The following RARB variants were observed in gnomAD, a reference collection of about 807,000 sequenced individuals.
RARB encodes the protein retinoic acid receptor beta.
RARB carries 17 observed loss-of-function variants against 51.9 expected under a neutral mutation model. The ratio of observed to expected loss-of-function variants is 0.33; its 90% CI spans 0.22 to 0.49. The LOEUF is 0.49. Among genes scored for constraint, RARB ranks in the 20% least tolerant of loss-of-function variants. The pLI, the probability that RARB is intolerant of heterozygous loss-of-function variation, is 0.99. For missense variants in RARB, 369 were observed against 550.8 expected (o/e 0.67, Z 3.30); for synonymous variants, 215 against 195.4 (o/e 1.10, Z -0.84).
At chr3:25,369,506 G>T (rs889344502) in intron 5 of RARB, among the ~76,000 whole-genome samples, 1 of 152,166 alleles carries the variant, frequency 6.6e-6, no homozygotes, top group Non-Finnish European at 1.5e-5. Flanking sequence ...CAGTCCCATG[G>T]CAAAGAAATA....
intron 2 of RARB, among the ~76,000 whole-genome samples, chr3:24,871,950 C>T (rs1196642132): frequency 6.6e-6 from 1 of 152,126 alleles, no homozygotes; most frequent in East Asian, 1.9e-4. Flanking sequence ...TATCATCACC[C>T]TGGTCTGATC....
intron 2 of RARB, among the ~76,000 whole-genome samples, chr3:24,894,981 G>C (rs571161359): frequency 2.0e-5 from 3 of 152,292 alleles, no homozygotes; most frequent in South Asian, 2.1e-4. Flanking sequence ...AAAAACCTTT[G>C]CTTTAGCCAG....
chr3:25,291,824 G>GAA, intron 5 of RARB, among the ~76,000 whole-genome samples: 1 of 151,934 alleles, frequency 6.6e-6, no homozygotes, highest in Middle Eastern at 3.2e-3. Context: ...ATCTGGCAAA[G>GAA]AAAAAATGGC....
chr3:24,979,181 C>G (rs1476838070), intron 2 of RARB, among the ~76,000 whole-genome samples: 1 of 152,162 alleles, frequency 6.6e-6, no homozygotes, highest in Non-Finnish European at 1.5e-5. Flanking sequence ...ATTATGTAGT[C>G]AATTTTAGAA....
rs150905179 is a variant in RARB, at chr3:25,372,318, G to A, written c.179-88875G>A. ...CCGGATTCTACCCACTAGATGCCAC[G>A]CCCATGTCAACCAAAAATATTTCCA... On this transcript the variant is annotated intron_variant, in intron 5 of 11. Coordinates refer to the RARB transcript ENST00000383772. Among the ~76,000 whole-genome samples, 526 of 152,252 alleles carry A rather than the reference G, an allele frequency of 3.5e-3. 2 individuals are homozygous for A. Among genetic ancestry groups the A allele is most frequent in the African/African-American group, 0.012 (493 of 41,552 alleles).
At chr3:25,113,666 C>T (rs768342565) in intron 3 of RARB, among the ~76,000 whole-genome samples, 6 of 152,124 alleles carry the variant, frequency 3.9e-5, no homozygotes, top group South Asian at 2.1e-4. Flanking sequence ...TAGCTAGCCA[C>T]GGCCCCAGGG....
At chr3:25,217,902 G>C (rs754975839) in intron 5 of RARB, among the ~76,000 whole-genome samples, 1 of 152,156 alleles carries the variant, frequency 6.6e-6, no homozygotes, top group East Asian at 1.9e-4. Context: ...AAATGGAAGC[G>C]CTTTAAGAAT....
intron 3 of RARB, among the ~76,000 whole-genome samples, chr3:25,098,518 C>T (rs1445925328): frequency 1.3e-5 from 2 of 152,190 alleles, no homozygotes; most frequent in African/African-American, 4.8e-5. Context: ...GGCTTAGCTT[C>T]TTCATTGTAA....
chr3:24,925,277 T>G (rs10510553), intron 2 of RARB, among the ~76,000 whole-genome samples: 1 of 151,854 alleles, frequency 6.6e-6, no homozygotes, highest in East Asian at 1.9e-4. Context: ...CCAGAAAATA[T>G]GACAAACTCC....
chr3:25,368,646 C>A (rs1575348268), intron 5 of RARB, among the ~76,000 whole-genome samples: 1 of 152,194 alleles, frequency 6.6e-6, no homozygotes, highest in African/African-American at 2.4e-5. Flanking sequence ...GCATCCTGAA[C>A]TGCTGACACA....
At chr3:25,388,523 A>C (rs1706858469) in intron 5 of RARB, among the ~76,000 whole-genome samples, 1 of 152,230 alleles carries the variant, frequency 6.6e-6, no homozygotes, top group Non-Finnish European at 1.5e-5. Flanking sequence ...TAAGTGTACC[A>C]TCAGAATTTA....
At chr3:24,885,236 T>G (rs148819707) in intron 2 of RARB, among the ~76,000 whole-genome samples, 47 of 152,100 alleles carry the variant, frequency 3.1e-4, no homozygotes, top group African/African-American at 1.1e-3. Flanking sequence ...AGAGAGAGAT[T>G]GAGTTGCAGT....
chr3:25,586,852 C>G (rs1394125238), intron 5 of RARB, among the ~76,000 whole-genome samples: 4 of 152,218 alleles, frequency 2.6e-5, no homozygotes, highest in African/African-American at 9.6e-5. Flanking sequence ...AGCCTGAGCT[C>G]AGGCTTCAGC....
intron 2 of RARB, among the ~76,000 whole-genome samples, chr3:25,037,491 T>C (rs1480211857): frequency 6.6e-6 from 1 of 152,118 alleles, no homozygotes; most frequent in Non-Finnish European, 1.5e-5. Context: ...CTGCTATCCC[T>C]ACACAGAAAC....
intron 2 of RARB, among the ~76,000 whole-genome samples, chr3:25,467,997 G>A (rs1028796637): frequency 6.6e-6 from 1 of 152,140 alleles, no homozygotes; most frequent in Non-Finnish European, 1.5e-5. Flanking sequence ...AGGGGTCAAG[G>A]GGGCCTGATG....
At chr3:24,921,247 T>C (rs1695210706) in intron 2 of RARB, among the ~76,000 whole-genome samples, 1 of 152,314 alleles carries the variant, frequency 6.6e-6, no homozygotes, top group Non-Finnish European at 1.5e-5. Context: ...ATTGAGATCC[T>C]ACCGTGTGTT....
intron 3 of RARB, among the ~76,000 whole-genome samples, chr3:25,096,410 A>T (rs1316427656): frequency 6.6e-6 from 1 of 152,210 alleles, no homozygotes; most frequent in African/African-American, 2.4e-5. Flanking sequence ...AGTTGCATCT[A>T]AATTTATTGT....
At chr3:25,110,667 A>G (rs1398155004) in intron 3 of RARB, among the ~76,000 whole-genome samples, 1 of 152,202 alleles carries the variant, frequency 6.6e-6, no homozygotes, top group Admixed American at 6.5e-5. Context: ...ATTTCAGGAG[A>G]GAAATGATTT....
intron 2 of RARB, among the ~76,000 whole-genome samples, chr3:24,972,440 G>C (rs1243390450): frequency 6.6e-6 from 1 of 151,998 alleles, no homozygotes; most frequent in Non-Finnish European, 1.5e-5. Context: ...GAATCATGCT[G>C]CAATAAACAT....
Sources: gnomAD v4.1 joint callset for allele counts (sites outside exome capture counted in the v4.1 genomes callset) on GRCh38, gnomAD v4.1.1 for gene constraint, MANE v1.5 for transcripts, NCBI Gene and HGNC (gene_info 2026-07-23, HGNC 2026-07-21) for gene names.